Variants in ZNF605 observed in about 807,000 individuals in gnomAD.
The protein encoded by ZNF605 is zinc finger protein 605.
In ZNF605, 9 loss-of-function variants were observed where a neutral mutation model predicts 7.9. That is an observed-to-expected ratio of 1.14 (90% confidence interval 0.68 to 1.98). The LOEUF (loss-of-function observed/expected upper bound fraction) is 1.98. Among genes scored for constraint, ZNF605 ranks in the 30% most tolerant of loss-of-function variants. ZNF605 has a pLI of 0.00. For missense variants in ZNF605, 673 were observed against 762.4 expected (o/e 0.88, Z 1.38); for synonymous variants, 255 against 260.1 (o/e 0.98, Z 0.19).
chr12:132,926,341 A>G lies in ZNF605; in HGVS notation c.958T>C (p.Trp320Arg). The change falls in exon 5 of 5, where the codon TGG (tryptophan) becomes CGG (arginine). Residue 320 changes from tryptophan to arginine, a missense_variant. By Grantham distance (101) the Trp-to-Arg change is moderately radical. Transcript: ENST00000360187. ...PCSHCGKAFF[W>R]KSQLITHQRT... ...TGATGAGTAATCAGCTGCGACTTCC[A>G]AAAGAAGGCTTTTCCACAGTGACTA... is the stretch of plus-strand genomic sequence containing the variant. 6.2e-7 allele frequency: 1 copy of G among 1,613,950 alleles called. No individual in the cohort carries two copies. Among genetic ancestry groups the G allele is most frequent in the East Asian group, 2.2e-5 (1 of 44,842 alleles).
At chr12:132,930,149 A>G (rs770984) in intron 4 of ZNF605, among the ~76,000 whole-genome samples, 98,420 of 152,022 alleles carry the variant, frequency 0.65, 32,742 homozygotes, top group Non-Finnish European at 0.74. Context: ...TTCTGCCTCA[A>G]TCACACAAGT....
Position 132,936,114 on chromosome 12 carries a change from G to C in ZNF605, c.16-2959C>G, listed in dbSNP as rs374765579. Among the ~76,000 whole-genome samples, 12 of 151,540 alleles carry C rather than the reference G, an allele frequency of 7.9e-5. No homozygotes were observed. The East Asian group carries it at 1.9e-3, about 24-fold the overall frequency. ...GTGGTATAAAAGACTTAGGATATTT[G>C]AACTGTCAGCACAGAATATAAAATA... is the stretch of plus-strand genomic sequence containing the variant. On this transcript the variant is annotated intron_variant, in intron 3 of 4. Transcript: ENST00000360187.
chr12:132,956,186 G>A (rs1168434546), intron 1 of ZNF605, 57 bp downstream of exon 1: 1 of 151,888 alleles, frequency 6.6e-6, no homozygotes, highest in Non-Finnish European at 1.5e-5. Context: ...CGCAGACACA[G>A]AGGCCGCCCC....
intron 4 of ZNF605, among the ~76,000 whole-genome samples, chr12:132,927,888 C>T (rs1243821542): frequency 2.0e-5 from 3 of 152,052 alleles, no homozygotes; most frequent in African/African-American, 7.2e-5. Context: ...ATCTCCTGAC[C>T]TCATGATCCA....
chr12:132,926,119 G>A lies in ZNF605; in HGVS notation c.1180C>T (p.Arg394Ter), dbSNP rs907112872. 2.5e-5 allele frequency: 40 copies of A among 1,613,910 alleles called. No individual in the cohort carries two copies. Among genetic ancestry groups the A allele is most frequent in the African/African-American group, 4.0e-5 (3 of 74,880 alleles). Residue 394 changes from arginine to a stop codon, truncating the protein, a stop_gained, in exon 5 of 5, where the codon CGA (arginine) becomes TGA (stop). Coordinates refer to ENST00000360187, the MANE Select transcript of ZNF605 (RefSeq NM_183238.4). LOFTEE classifies it low-confidence loss of function (END_TRUNC). ...QITHTGEKNY[R>*]CSDCEEAFFK... is the part of the protein sequence containing the mutation. ...AAGGCCTCCTCACAATCACTGCATC[G>A]ATAGTTCTTCTCTCCTGTGTGAGTT...
intron 3 of ZNF605, among the ~76,000 whole-genome samples, chr12:132,944,283 C>T (rs905754932): frequency 1.3e-5 from 2 of 151,686 alleles, no homozygotes; most frequent in East Asian, 3.9e-4. Flanking sequence ...AGTGGTGCCA[C>T]TCCTGGCGTA....
At chr12:132,938,789 G>A (rs1278490) in intron 3 of ZNF605, among the ~76,000 whole-genome samples, 95,346 of 151,224 alleles carry the variant, frequency 0.63, 31,483 homozygotes, top group Non-Finnish European at 0.75. Context: ...TGTGTGCGGC[G>A]CTTGCGGGCC....
rs1036652503 is a variant in ZNF605 at position 132,918,333 on chromosome 12, A to G, written c.*7040T>C. On this transcript the variant is annotated 3_prime_UTR_variant, in exon 5 of 5. Transcript: ENST00000360187. The stretch of plus-strand genomic sequence containing the variant: ...GGAATGGAAACCAGAGTTTATTTGC[A>G]AATTGCTCCCAGTGATCACACTCAC... 4 of 152,244 alleles carry G rather than the reference A, an allele frequency of 2.6e-5. No individual in the cohort carries two copies. Among genetic ancestry groups the G allele is most frequent in the Non-Finnish European group, 4.4e-5 (3 of 68,046 alleles). The allele number at this position is 152,244 out of a possible 1,614,324, so 9.4% of individuals were successfully genotyped here. A position where few individuals can be genotyped will look rare whatever the true frequency, so the allele number is the denominator to read the frequency against.
rs1952246439 is a variant in ZNF605, at chr12:132,926,278, C to T, written c.1021G>A (p.Glu341Lys). The T allele has an allele frequency of 1.2e-6, 2 of 1,614,094 alleles. No individual in the cohort carries two copies. Among genetic ancestry groups the T allele is most frequent in the Non-Finnish European group, 1.7e-6 (2 of 1,180,002 alleles). Residue 341 changes from glutamate (E) to lysine (K), a missense_variant, in exon 5 of 5, where the codon GAG becomes AAG. Transcript: ENST00000360187. ...HTGKKPYGCG[E>K]CQKAFSRNSL... is the part of the protein sequence containing the mutation. ...TTCCTGCTGAAGGCTTTTTGACACT[C>T]ACCACATCCGTAAGGTTTCTTCCCT... is the stretch of plus-strand genomic sequence containing the variant.
chr12:132,927,029 C>T lies in ZNF605; in HGVS notation c.270G>A (p.Leu90=). The T allele has an allele frequency of 6.2e-7, 1 of 1,609,914 alleles. No individual in the cohort carries two copies. The highest frequency in any genetic ancestry group is 8.5e-7 in the Non-Finnish European group (1 of 1,179,920). The change falls in exon 5 of 5, where the codon CTG becomes CTA. Residue 90 remains leucine, a synonymous_variant. Coordinates refer to ENST00000360187, the MANE Select transcript of ZNF605 (RefSeq NM_183238.4). ...NSSINIVHVG[L]RSHKCGTGEK... ...CTCCTGTGCCACATTTATGGGATCGCAGTCCTACATGAACAATGTTTATGC... is the reference window on the plus strand; with the variant it reads ...CTCCTGTGCCACATTTATGGGATCGTAGTCCTACATGAACAATGTTTATGC...
At chr12:132,940,535 A>ATG (rs35586233) in intron 3 of ZNF605, among the ~76,000 whole-genome samples, 6,395 of 152,122 alleles carry the variant, frequency 0.042, 173 homozygotes, top group East Asian at 0.076. Context: ...GTTGATGCTG[A>ATG]TGTCCCATCT....
At chr12:132,943,819 C>A (rs1325470926) in intron 3 of ZNF605, among the ~76,000 whole-genome samples, 1 of 152,042 alleles carries the variant, frequency 6.6e-6, no homozygotes, top group South Asian at 2.1e-4. Context: ...AGAACCAAAG[C>A]GACTCCATCT....
At chr12:132,928,189 T>C (rs968145829) in intron 4 of ZNF605, among the ~76,000 whole-genome samples, 6 of 152,204 alleles carry the variant, frequency 3.9e-5, no homozygotes, top group Non-Finnish European at 5.9e-5. Flanking sequence ...GCAACATTAG[T>C]ATATATTGTT....
At chr12:132,940,365 G>T (rs1314433614) in intron 3 of ZNF605, among the ~76,000 whole-genome samples, 3 of 152,158 alleles carry the variant, frequency 2.0e-5, no homozygotes, top group African/African-American at 4.8e-5. Flanking sequence ...TGGTTAAAAA[G>T]GTCTGTGCGA....
At chr12:132,945,517 T>C (rs1194296591) in intron 3 of ZNF605, 104 bp downstream of exon 3, 1 of 500,192 alleles carries the variant, frequency 2.0e-6, no homozygotes, top group Non-Finnish European at 3.4e-6. Context: ...GATAAACCGA[T>C]AACCCACCTG....
At chr12:132,955,029 T>G (rs1332260675) in intron 1 of ZNF605, among the ~76,000 whole-genome samples, 1 of 152,060 alleles carries the variant, frequency 6.6e-6, no homozygotes, top group Non-Finnish European at 1.5e-5. Flanking sequence ...GCAACCACTG[T>G]TATTCAGCTG....
At chr12:132,928,851 A>AT (rs1402990831) in intron 4 of ZNF605, among the ~76,000 whole-genome samples, 20 of 149,572 alleles carry the variant, frequency 1.3e-4, no homozygotes, top group South Asian at 2.1e-4. Flanking sequence ...GTCTCTTCAA[A>AT]TTTTTTTTTT....
intron 4 of ZNF605, among the ~76,000 whole-genome samples, chr12:132,927,895 T>TCCA (rs1293346308): frequency 6.6e-6 from 1 of 152,060 alleles, no homozygotes; most frequent in African/African-American, 2.4e-5. Flanking sequence ...GACCTCATGA[T>TCCA]CCACCTGCCT....
At chr12:132,940,774 C>G (rs1952428039) in intron 3 of ZNF605, among the ~76,000 whole-genome samples, 3 of 152,098 alleles carry the variant, frequency 2.0e-5, no homozygotes, top group Admixed American at 2.0e-4. Context: ...TTTAGATCCA[C>G]AAGTCCATGT....
Sources: gnomAD v4.1 joint callset for allele counts (sites outside exome capture counted in the v4.1 genomes callset) on GRCh38, gnomAD v4.1.1 for gene constraint, MANE v1.5 for transcripts, NCBI Gene and HGNC (gene_info 2026-07-23, HGNC 2026-07-21) for gene names.